Variants in IRS2 observed in about 807,000 individuals in gnomAD.
IRS2 encodes insulin receptor substrate 2.
In IRS2, 28 loss-of-function variants were observed where a neutral mutation model predicts 70.9. The observed-to-expected ratio is 0.39, with a 90% CI of 0.29 to 0.54. The LOEUF is 0.54. IRS2 is among the 20% of genes least tolerant of loss of function. The probability of loss-of-function intolerance (pLI) is 0.59; values close to 1 mark genes in which losing one functional copy is unlikely to be tolerated. For synonymous variants in IRS2, 1,217 were observed against 981.9 expected (o/e 1.24, Z -4.48); for missense variants, 2,081 against 2,024.1 (o/e 1.03, Z -0.54).
rs1306738992 is a variant in IRS2 at position 109,783,183 on chromosome 13, C to A, written c.2871G>T (p.Ser957=). Residue 957 remains serine (S), a synonymous_variant, in exon 1 of 2, where the codon TCG becomes TCT. Transcript: ENST00000375856. ...SLLSASSPAS[S]LGSGTPGTSS... ...TGGTGCCCGGGGTGCCTGAGCCCAG[C>A]GACGAGGCCGGGCTGCTGGCGGACA... 1.4e-6 allele frequency: 2 copies of A among 1,383,960 alleles called. No homozygotes were observed. Among genetic ancestry groups the A allele is most frequent in the African/African-American group, 1.5e-5 (1 of 65,448 alleles). 85.7% of individuals were successfully genotyped at this position (1,383,960 alleles called of 1,614,324 possible).
chr13:109,765,643 A>G lies in IRS2; in HGVS notation c.4013-9335T>C, dbSNP rs1223361379. ...CCCAGCCTCATCCACCCTGACTCCAACTCCCCACCAAGCATGTAGATATCC... is the reference window on the plus strand; with the variant it reads ...CCCAGCCTCATCCACCCTGACTCCAGCTCCCCACCAAGCATGTAGATATCC... On this transcript the variant is annotated intron_variant, in intron 1 of 1. Coordinates refer to ENST00000375856, the MANE Select transcript of IRS2 (RefSeq NM_003749.3). Among the ~76,000 whole-genome samples the G allele has an allele frequency of 3.3e-5, 2 of 60,786 alleles. 1 individual carries two copies. The highest frequency in any genetic ancestry group is 1.4e-4 in the African/African-American group (2 of 14,306). 39.9% of individuals were successfully genotyped at this position (60,786 alleles called of 152,430 possible). A position where few individuals can be genotyped will look rare whatever the true frequency, so the allele number is the denominator to read the frequency against.
rs751461723 is a variant in IRS2, at chr13:109,783,973, G to A, written c.2081C>T (p.Ala694Val). 7 of 1,524,298 alleles carry A rather than the reference G, an allele frequency of 4.6e-6. No individual in the cohort carries two copies. The East Asian group carries it at 1.2e-4, about 27-fold the overall frequency. 94.4% of individuals were successfully genotyped at this position (1,524,298 alleles called of 1,614,324 possible). Residue 694 changes from alanine (A) to valine (V), a missense_variant, in exon 1 of 2, where the codon GCC becomes GTC. Coordinates refer to ENST00000375856, the MANE Select transcript of IRS2 (RefSeq NM_003749.3). ...CACGGCGGCGGCGGCGGCGGCGGCGGCCCTGGGCTGCAAGATCTGCTTGGG... is the reference window on the plus strand; with the variant it reads ...CACGGCGGCGGCGGCGGCGGCGGCGACCCTGGGCTGCAAGATCTGCTTGGG... ...SAPKQILQPRAAAAAAAAVPS... is the reference protein window; with the variant it reads ...SAPKQILQPRVAAAAAAAVPS...
intron 1 of IRS2, 88 bp from the exon 2 acceptor site, chr13:109,756,396 G>A (rs936043898): frequency 4.7e-6 from 5 of 1,062,830 alleles, no homozygotes; most frequent in African/African-American, 4.7e-5. Flanking sequence ...CTAACCCACA[G>A]CTAGGACCTG....
intron 1 of IRS2, among the ~76,000 whole-genome samples, chr13:109,768,740 T>C (rs1594382845): frequency 1.3e-5 from 2 of 152,042 alleles, no homozygotes; most frequent in Admixed American, 1.3e-4. Flanking sequence ...GACGGCTGTG[T>C]GTTACCAGAA....
In IRS2 at chr13:109,786,170, T is replaced by A; in HGVS notation, c.-117A>T. ...CCCTTGCGCCCGGCCGCCCGCCCGA[T>A]CACGCGTCCCTCGGGCCCAGGCGGT... On this transcript the variant is annotated 5_prime_UTR_variant, in exon 1 of 2. Transcript: ENST00000375856. This position sits in a 1 kb window ranked among gnomAD's most constrained non-coding sequence, Gnocchi z 4.4. 1 of 513,702 alleles carries A rather than the reference T, an allele frequency of 1.9e-6. No homozygotes were observed. The highest frequency in any genetic ancestry group is 2.1e-5 in the African/African-American group (1 of 47,748). 31.8% of individuals were successfully genotyped at this position (513,702 alleles called of 1,614,324 possible).
intron 1 of IRS2, among the ~76,000 whole-genome samples, chr13:109,771,501 T>G (rs1877450582): frequency 6.6e-6 from 1 of 152,252 alleles, no homozygotes; most frequent in African/African-American, 2.4e-5. Flanking sequence ...ATACATTTAG[T>G]AGATGTCTAC....
intron 1 of IRS2, among the ~76,000 whole-genome samples, chr13:109,761,085 G>T (rs74789436): frequency 1.3e-5 from 2 of 152,126 alleles, no homozygotes; most frequent in Non-Finnish European, 1.5e-5. Flanking sequence ...GTTACATTTC[G>T]ATGTTCAAAA....
rs549475514 is a variant in IRS2 at position 109,754,543 on chromosome 13, T to G, written c.*1761A>C. 3.0e-5 allele frequency: 6 copies of G among 198,832 alleles called. No individual in the cohort carries two copies. The South Asian group carries it at 1.1e-3, about 38-fold the overall frequency. 12.3% of individuals were successfully genotyped at this position (198,832 alleles called of 1,614,324 possible). On this transcript the variant is annotated 3_prime_UTR_variant, in exon 2 of 2. Transcript: ENST00000375856. Reference sequence around the variant, plus strand: ...AGGATTTTTATACATCTTAATAAAGTATATCATACACTGAAATTGACCTTC... The same window carrying G: ...AGGATTTTTATACATCTTAATAAAGGATATCATACACTGAAATTGACCTTC...
rs751044508 is a variant in IRS2, at chr13:109,783,600, C to A, written c.2454G>T (p.Gly818=). The A allele has an allele frequency of 3.2e-6, 5 of 1,547,370 alleles. No homozygotes were observed. The Admixed American group carries it at 7.8e-5, about 24-fold the overall frequency. Residue 818 remains glycine (G), a synonymous_variant, in exon 1 of 2, where the codon GGG becomes GGT. Transcript: ENST00000375856. ...TCATGAGCACGTACTGGTCGCTGTCCCCGCCACAGGTGTAGGGGGCCTTGT... is the reference window on the plus strand; with the variant it reads ...TCATGAGCACGTACTGGTCGCTGTCACCGCCACAGGTGTAGGGGGCCTTGT... ...RSYKAPYTCG[G]DSDQYVLMSS...
At chr13:109,756,853 C>T (rs940565275) in intron 1 of IRS2, among the ~76,000 whole-genome samples, 1 of 152,176 alleles carries the variant, frequency 6.6e-6, no homozygotes, top group Admixed American at 6.5e-5. Flanking sequence ...CACACTTCTG[C>T]CCTCAGAAAA....
rs912125635 is a variant in IRS2, at chr13:109,756,243, C to T, written c.*61G>A. ...AGCTTCGGGCTGAAACAGTGCTGAGCGTCTTCTTTTAATGATACTCTCTGA... is the reference window on the plus strand; with the variant it reads ...AGCTTCGGGCTGAAACAGTGCTGAGTGTCTTCTTTTAATGATACTCTCTGA... On this transcript the variant is annotated 3_prime_UTR_variant, in exon 2 of 2. Coordinates refer to ENST00000375856, the MANE Select transcript of IRS2 (RefSeq NM_003749.3). The T allele has an allele frequency of 8.6e-6, 12 of 1,388,350 alleles. No individual in the cohort carries two copies. The highest frequency in any genetic ancestry group is 4.3e-5 in the African/African-American group (3 of 70,472). 86.0% of individuals were successfully genotyped at this position (1,388,350 alleles called of 1,614,324 possible).
chr13:109,786,465 G>C lies in IRS2; in HGVS notation c.-412C>G, dbSNP rs916805077. ...CCGCGTCGCGCTCCGGGAAGCCGGG[G>C]TGCGCCCGGGCGCTCGGGGTCCGCG... On this transcript the variant is annotated 5_prime_UTR_variant, in exon 1 of 2. Transcript: ENST00000375856. This position sits in a 1 kb window ranked among gnomAD's most constrained non-coding sequence, Gnocchi z 4.4. 6.7e-6 allele frequency: 1 copy of C among 149,012 alleles called. No homozygotes were observed. The highest frequency in any genetic ancestry group is 1.5e-5 in the Non-Finnish European group (1 of 66,954). 9.2% of individuals were successfully genotyped at this position (149,012 alleles called of 1,614,324 possible). A position where few individuals can be genotyped will look rare whatever the true frequency, so the allele number is the denominator to read the frequency against.
intron 1 of IRS2, among the ~76,000 whole-genome samples, chr13:109,775,039 T>C (rs749976514): frequency 3.9e-5 from 6 of 151,938 alleles, no homozygotes; most frequent in Admixed American, 6.6e-5. Context: ...TTTAAGTCCA[T>C]AGAATGCATA....
At chr13:109,765,952 T>G (rs1184002296) in intron 1 of IRS2, among the ~76,000 whole-genome samples, 2 of 53,078 alleles carry the variant, frequency 3.8e-5, no homozygotes, top group Admixed American at 5.1e-4. Flanking sequence ...CCACCAAGCA[T>G]GTAGATATCC....
At chr13:109,780,484 C>G (rs900294776) in intron 1 of IRS2, among the ~76,000 whole-genome samples, 5 of 152,194 alleles carry the variant, frequency 3.3e-5, no homozygotes, top group African/African-American at 1.2e-4. Context: ...CTCTGTGACT[C>G]TTCATCTTCT....
chr13:109,778,128 A>C (rs534512100), intron 1 of IRS2, among the ~76,000 whole-genome samples: 22 of 152,336 alleles, frequency 1.4e-4, no homozygotes, highest in Admixed American at 1.4e-3. Context: ...AAGAGCTTAA[A>C]ACACTCTTGA....
Position 109,783,305 on chromosome 13 carries a change from C to A in IRS2, c.2749G>T (p.Gly917Cys), listed in dbSNP as rs753831518. 11 of 1,542,688 alleles carry A rather than the reference C, an allele frequency of 7.1e-6. No homozygotes were observed. The Admixed American group carries it at 2.1e-4, about 29-fold the overall frequency. ...YPLPPEPKSP[G>C]EYINIDFGEP... ...CCAAAGTCGATGTTGATGTACTCGC[C>A]GGGGCTCTTGGGCTCCGGTGGCAGT... The change falls in exon 1 of 2, where the codon GGC (glycine) becomes TGC (cysteine). Residue 917 changes from glycine (G) to cysteine (C), a missense_variant. Gly to Cys is a radical substitution (Grantham distance 159, BLOSUM62 -3). Coordinates refer to ENST00000375856, the MANE Select transcript of IRS2 (RefSeq NM_003749.3).
In IRS2 at chr13:109,783,949, A is replaced by ACGGCGGCGGCGG. The variant is rs34412495; in HGVS notation, c.2093_2104dup (p.Ala698_Ala701dup). On this transcript the variant is annotated inframe_insertion, in exon 1 of 2. Coordinates refer to ENST00000375856, the MANE Select transcript of IRS2 (RefSeq NM_003749.3). ...TGGCCCCGCAGGCCCCGCAGAAGGC[A>ACGGCGGCGGCGG]CGGCGGCGGCGGCGGCGGCGGCGGC... 276 of 1,520,606 alleles carry ACGGCGGCGGCGG rather than the reference A, an allele frequency of 1.8e-4. 1 individual carries two copies. The South Asian group carries it at 2.1e-3, about 12-fold the overall frequency. 94.2% of individuals were successfully genotyped at this position (1,520,606 alleles called of 1,614,324 possible).
rs1476561196 is a variant in IRS2, at chr13:109,786,005, C to G, written c.49G>C (p.Gly17Arg). ...HGPPGPASGD[G>R]PNLNNNNNNN... Reference sequence around the variant, plus strand: ...TTGTTGTTGTTGTTGAGGTTGGGGCCGTCTCCGCTCGCCGGCCCGGGCGGC... The same window carrying G: ...TTGTTGTTGTTGTTGAGGTTGGGGCGGTCTCCGCTCGCCGGCCCGGGCGGC... Residue 17 changes from glycine to arginine, a missense_variant, in exon 1 of 2, where the codon GGC (glycine) becomes CGC (arginine). Around this residue, in one of 4 missense-constraint regions of IRS2, gnomAD observed 320 missense variants for 352.9 expected, o/e 0.91. Transcript: ENST00000375856. The surrounding 1 kb of genome is among the most constrained non-coding windows in gnomAD (Gnocchi z 4.4). 1.6e-5 allele frequency: 23 copies of G among 1,414,962 alleles called. No individual in the cohort carries two copies. Among genetic ancestry groups the G allele is most frequent in the Admixed American group, 7.8e-5 (3 of 38,474 alleles). The allele number at this position is 1,414,962 out of a possible 1,614,324, so 87.7% of individuals were successfully genotyped here.
Sources: allele counts gnomAD v4.1 joint callset (sites outside exome capture counted in the v4.1 genomes callset), GRCh38; gene constraint gnomAD v4.1.1; regional missense constraint gnomAD v4.1.1; non-coding constraint Gnocchi (gnomAD v3.1); transcripts MANE v1.5; gene names NCBI Gene and HGNC (gene_info 2026-07-23, HGNC 2026-07-21).